Variants in PTPN2 observed in about 807,000 individuals in gnomAD.
PTPN2 encodes the protein tyrosine-protein phosphatase non-receptor type 2.
Under a neutral mutation model 57.3 loss-of-function variants are expected in PTPN2, and 19 were observed. The observed-to-expected ratio is 0.33, with a 90% CI of 0.23 to 0.49. The LOEUF is 0.49. Ranked by LOEUF, PTPN2 falls within the 20% of genes least tolerant of loss-of-function variation. The pLI is 0.99. For synonymous variants in PTPN2, 153 were observed against 164.9 expected (o/e 0.93, Z 0.55); for missense variants, 358 against 501.1 (o/e 0.71, Z 2.73).
intron 4 of PTPN2, among the ~76,000 whole-genome samples, chr18:12,829,473 CCAGCCTGGGCAA>C (rs1211426745): frequency 1.3e-3 from 195 of 144,554 alleles, no homozygotes; most frequent in African/African-American, 5.0e-3. Context: ...CCACTGCACT[CCAGCCTGGGCAA>C]CAGGCGAGAC....
intron 1 of PTPN2, among the ~76,000 whole-genome samples, chr18:12,877,344 G>T (rs1377302227): frequency 6.6e-6 from 1 of 152,106 alleles, no homozygotes; most frequent in Non-Finnish European, 1.5e-5. Context: ...TGAGAGAAGG[G>T]GGAGCATTTA....
intron 3 of PTPN2, among the ~76,000 whole-genome samples, chr18:12,832,265 C>T (rs117799162): frequency 0.1 from 15,891 of 152,064 alleles, 1,030 homozygotes; most frequent in Non-Finnish European, 0.15. Flanking sequence ...TATAGGCACC[C>T]GCCACCACAC....
intron 7 of PTPN2, among the ~76,000 whole-genome samples, chr18:12,810,144 T>G (rs1318944460): frequency 6.6e-6 from 1 of 152,182 alleles, no homozygotes; most frequent in African/African-American, 2.4e-5. Flanking sequence ...ATTGTGCCAC[T>G]GTACTCTAGC....
At chr18:12,828,961 G>A (rs554981313) in intron 4 of PTPN2, among the ~76,000 whole-genome samples, 5 of 152,148 alleles carry the variant, frequency 3.3e-5, no homozygotes, top group Admixed American at 1.3e-4. Flanking sequence ...GCAGTGGCAC[G>A]ACCATAGCTA....
chr18:12,879,935 C>CT (rs2044614130), intron 1 of PTPN2, among the ~76,000 whole-genome samples: 1 of 152,218 alleles, frequency 6.6e-6, no homozygotes, highest in Non-Finnish European at 1.5e-5. Flanking sequence ...ACCTTAAACA[C>CT]TTTTTTCCTA....
At chr18:12,820,355 T>C (rs1261766553) in intron 5 of PTPN2, among the ~76,000 whole-genome samples, 1 of 152,068 alleles carries the variant, frequency 6.6e-6, no homozygotes, top group Admixed American at 6.6e-5. Context: ...CTTTCCAAAA[T>C]CATAATTCAC....
intron 1 of PTPN2, among the ~76,000 whole-genome samples, chr18:12,871,740 C>T (rs914624577): frequency 6.6e-5 from 10 of 151,888 alleles, no homozygotes; most frequent in African/African-American, 1.9e-4. Flanking sequence ...ATTGCCCAAC[C>T]GGGACTTTAC....
At chr18:12,814,904 C>T (rs147428366) in intron 6 of PTPN2, among the ~76,000 whole-genome samples, 16 of 151,552 alleles carry the variant, frequency 1.1e-4, no homozygotes, top group Admixed American at 8.6e-4. Flanking sequence ...GCCAACATCG[C>T]GAAATGCCAT....
chr18:12,866,775 G>A (rs1259372482), intron 1 of PTPN2, among the ~76,000 whole-genome samples: 2 of 152,020 alleles, frequency 1.3e-5, no homozygotes, highest in African/African-American at 4.8e-5. Context: ...TTGGGAGGCC[G>A]AGGCAAATCA....
Position 12,814,392 on chromosome 18 carries a change from T to C in PTPN2, c.706-37A>G, listed in dbSNP as rs765409084. ...GCAAAAAATGAGACAAGTCTTGTTA[T>C]TGGAACCCAGGAAACAGAATCAATG... On this transcript the variant is annotated intron_variant, in intron 6 of 8. Transcript: ENST00000309660. The C allele has an allele frequency of 3.7e-5, 57 of 1,538,324 alleles. No individual in the cohort carries two copies. In the East Asian group the frequency reaches 1.2e-3, roughly 33 times the overall value.
At chr18:12,877,511 G>C (rs893740028) in intron 1 of PTPN2, among the ~76,000 whole-genome samples, 4 of 152,232 alleles carry the variant, frequency 2.6e-5, no homozygotes, top group Admixed American at 2.6e-4. Flanking sequence ...AAAGCACTGA[G>C]ATTAGACAGC....
chr18:12,859,404 C>G (rs945985018), intron 1 of PTPN2, 150 bp from the exon 2 acceptor site: 1 of 548,596 alleles, frequency 1.8e-6, no homozygotes, highest in Non-Finnish European at 3.2e-6. Flanking sequence ...TCATTTAATC[C>G]TCACAATACT....
chr18:12,825,728 A>C, intron 5 of PTPN2, 82 bp downstream of exon 5: 3 of 1,374,318 alleles, frequency 2.2e-6, no homozygotes, highest in Non-Finnish European at 3.0e-6. Flanking sequence ...GCATGTGCTT[A>C]TCAAACTTCA....
At chr18:12,790,781 C>G (rs543287141), downstream of PTPN2, among the ~76,000 whole-genome samples, 105 of 152,324 alleles carry the variant, frequency 6.9e-4, no homozygotes, top group African/African-American at 2.5e-3. Flanking sequence ...AGGACAGGCA[C>G]AAGTGCACAT....
intron 8 of PTPN2, among the ~76,000 whole-genome samples, chr18:12,798,556 G>T (rs1427413271): frequency 6.6e-6 from 1 of 152,056 alleles, no homozygotes; most frequent in Non-Finnish European, 1.5e-5. Flanking sequence ...ATGGCCTCCA[G>T]CTCCATCCAA....
At position 12,829,291 on chromosome 18, in the gene PTPN2, G is replaced by GT. The variant is rs1000617119; in HGVS notation, c.360+1651dup. Among the ~76,000 whole-genome samples, 47 of 152,170 alleles carry GT rather than the reference G, an allele frequency of 3.1e-4. No homozygotes were observed. In the Middle Eastern group the frequency reaches 0.01, roughly 33 times the overall value. Reference sequence around the variant, plus strand: ...AGCACTTTGGGAGGCCGAGGTGGGCGTATCACTTGAGGTCAGGAACTTGAG... The same window carrying GT: ...AGCACTTTGGGAGGCCGAGGTGGGCGTTATCACTTGAGGTCAGGAACTTGAG... On this transcript the variant is annotated intron_variant, in intron 4 of 8. Transcript: ENST00000309660.
intron 2 of PTPN2, among the ~76,000 whole-genome samples, chr18:12,858,849 G>C (rs2043688637): frequency 6.6e-6 from 1 of 152,076 alleles, no homozygotes; most frequent in Non-Finnish European, 1.5e-5. Context: ...ATATGAAAAG[G>C]AAATACATAT....
rs376569482 is a variant in PTPN2, at chr18:12,838,014, AAC to A, written c.161-1125_161-1124del. ...TTTTTTAAAAATCACTTTTTTAAAA[AAC>A]AGTTTAATCACCCTTTAACTGTTAT... On this transcript the variant is annotated intron_variant, in intron 2 of 8. Coordinates refer to ENST00000309660, the MANE Select transcript of PTPN2 (RefSeq NM_002828.4). 1.7e-3 allele frequency among the ~76,000 whole-genome samples: 266 copies of A among 152,312 alleles called. 3 individuals carry two copies. The South Asian group carries it at 0.023, about 13-fold the overall frequency.
chr18:12,828,438 A>C (rs1001838888), intron 4 of PTPN2, among the ~76,000 whole-genome samples: 4 of 152,234 alleles, frequency 2.6e-5, no homozygotes, highest in African/African-American at 7.2e-5. Context: ...AATATTAAAA[A>C]TTGTAAACCA....
Sources: allele counts gnomAD v4.1 joint callset (sites outside exome capture counted in the v4.1 genomes callset), GRCh38; gene constraint gnomAD v4.1.1; transcripts MANE v1.5; gene names NCBI Gene and HGNC (gene_info 2026-07-23, HGNC 2026-07-21).